Variants in MNAT1 observed in about 807,000 individuals in gnomAD.
The protein encoded by MNAT1 is CDK-activating kinase assembly factor MAT1.
In MNAT1, 43 loss-of-function variants were observed where a neutral mutation model predicts 42.0. The observed-to-expected ratio is 1.02, with a 90% CI of 0.80 to 1.32. The LOEUF (loss-of-function observed/expected upper bound fraction) is 1.32. MNAT1 is among the 40% of genes most tolerant of loss of function. The pLI is 0.00. For missense variants in MNAT1, 306 were observed against 350.4 expected (o/e 0.87, Z 1.01); for synonymous variants, 118 against 120.0 (o/e 0.98, Z 0.11).
intron 3 of MNAT1, 74 bp downstream of exon 3, chr14:60,798,234 C>T (rs976353470): frequency 5.2e-6 from 4 of 770,162 alleles, no homozygotes; most frequent in Non-Finnish European, 8.6e-6. Flanking sequence ...AGGAGAACAT[C>T]TCACATAAAA....
chr14:60,870,344 G>T (rs2034301678), intron 6 of MNAT1, among the ~76,000 whole-genome samples: 2 of 152,124 alleles, frequency 1.3e-5, no homozygotes, highest in Non-Finnish European at 2.9e-5. Context: ...CCAGGTATGG[G>T]TATTACCTAA....
At chr14:60,890,099 G>A (rs2034798362) in intron 7 of MNAT1, among the ~76,000 whole-genome samples, 1 of 152,116 alleles carries the variant, frequency 6.6e-6, no homozygotes, top group South Asian at 2.1e-4. Context: ...TCCCATTACT[G>A]GGTATATACC....
intron 7 of MNAT1, among the ~76,000 whole-genome samples, chr14:60,913,498 G>A (rs1365482500): frequency 2.0e-5 from 3 of 152,104 alleles, no homozygotes; most frequent in Non-Finnish European, 2.9e-5. Flanking sequence ...CGTCCAGATG[G>A]GTTTTTGGTG....
intron 1 of MNAT1, 123 bp downstream of exon 1, chr14:60,735,074 A>G (rs1594707430): frequency 1.1e-6 from 1 of 928,826 alleles, no homozygotes; most frequent in East Asian, 2.5e-5. Context: ...TGGGGAGGAA[A>G]ATGGGAAAAG....
chr14:60,886,116 A>G (rs571876448), intron 7 of MNAT1, among the ~76,000 whole-genome samples: 4 of 151,962 alleles, frequency 2.6e-5, no homozygotes, highest in Non-Finnish European at 4.4e-5. Context: ...TCCAATGTGT[A>G]TATGTTTGTT....
chr14:60,871,401 C>T (rs1029688668), intron 6 of MNAT1, among the ~76,000 whole-genome samples: 1 of 152,204 alleles, frequency 6.6e-6, no homozygotes, highest in Non-Finnish European at 1.5e-5. Flanking sequence ...TGTATACTCT[C>T]ATCTGCAGTG....
chr14:60,940,942 T>C (rs1464147345), intron 7 of MNAT1, among the ~76,000 whole-genome samples: 4 of 152,230 alleles, frequency 2.6e-5, no homozygotes, highest in Non-Finnish European at 5.9e-5. Flanking sequence ...ATAGTTTCTA[T>C]TGAAATATTT....
chr14:60,939,218 G>A (rs186109228), intron 7 of MNAT1, among the ~76,000 whole-genome samples: 3 of 152,214 alleles, frequency 2.0e-5, no homozygotes, highest in Non-Finnish European at 4.4e-5. Context: ...AGGGTTTTTT[G>A]TGTGTCTATC....
rs1335168971 is a variant in MNAT1 at position 60,947,891 on chromosome 14, C to G, written c.810-20338C>G. Reference sequence around the variant, plus strand: ...GAAACTTCCTACCTCAGCAAATCTTCCAGGCTCCAGACCTGCGATGACAGG... The same window carrying G: ...GAAACTTCCTACCTCAGCAAATCTTGCAGGCTCCAGACCTGCGATGACAGG... On this transcript the variant is annotated intron_variant, in intron 7 of 7. Transcript: ENST00000261245. 1.3e-5 allele frequency among the ~76,000 whole-genome samples: 2 copies of G among 152,252 alleles called. 1 individual carries two copies. The highest frequency in any genetic ancestry group is 3.9e-4 in the East Asian group (2 of 5,176).
chr14:60,938,414 T>G (rs2036058636), intron 7 of MNAT1, among the ~76,000 whole-genome samples: 1 of 152,296 alleles, frequency 6.6e-6, no homozygotes. Flanking sequence ...AATAACTAAT[T>G]TATTGAGAGT....
chr14:60,796,518 A>ATTTTTTTTTTTTTTTT, intron 2 of MNAT1, 149 bp downstream of exon 2: 1 of 697,892 alleles, frequency 1.4e-6, no homozygotes, highest in Non-Finnish European at 2.3e-6. Flanking sequence ...GAGTAATATT[A>ATTTTTTTTTTTTTTTT]TTTATCTTTG....
intron 7 of MNAT1, among the ~76,000 whole-genome samples, chr14:60,943,737 T>C (rs747033532): frequency 3.3e-5 from 5 of 152,190 alleles, no homozygotes; most frequent in Non-Finnish European, 7.3e-5. Context: ...ATTTAAAATA[T>C]ATACATCTTT....
chr14:60,962,139 CATA>C (rs1308118549), intron 7 of MNAT1, among the ~76,000 whole-genome samples: 2 of 152,012 alleles, frequency 1.3e-5, no homozygotes, highest in Non-Finnish European at 2.9e-5. Context: ...AAATGAGTAT[CATA>C]ATGTTTTAAG....
At chr14:60,846,764 A>G (rs903104989) in intron 6 of MNAT1, among the ~76,000 whole-genome samples, 19 of 152,160 alleles carry the variant, frequency 1.2e-4, no homozygotes, top group Admixed American at 6.5e-4. Flanking sequence ...GTTATGGCCA[A>G]ATATATTTTT....
intron 7 of MNAT1, among the ~76,000 whole-genome samples, chr14:60,918,717 A>T (rs1352961475): frequency 7.0e-6 from 1 of 142,948 alleles, no homozygotes; most frequent in East Asian, 2.1e-4. Context: ...TATCTTGTTT[A>T]ATGACTATCC....
chr14:60,819,622 T>G (rs1175382809), intron 6 of MNAT1, among the ~76,000 whole-genome samples: 1 of 152,122 alleles, frequency 6.6e-6, no homozygotes, highest in Non-Finnish European at 1.5e-5. Flanking sequence ...CATACAGGTA[T>G]CAAAAGTACC....
At chr14:60,931,441 T>C (rs920433461) in intron 7 of MNAT1, among the ~76,000 whole-genome samples, 1 of 152,182 alleles carries the variant, frequency 6.6e-6, no homozygotes, top group African/African-American at 2.4e-5. Context: ...GCATTTATTC[T>C]GCTGCCAGAG....
chr14:60,917,619 TTG>T (rs1219435097), intron 7 of MNAT1, among the ~76,000 whole-genome samples: 77 of 151,434 alleles, frequency 5.1e-4, no homozygotes, highest in East Asian at 4.5e-3. Flanking sequence ...TGTTTTTTTT[TTG>T]TTTCTTTTTT....
chr14:60,872,461 C>G (rs923660198), intron 6 of MNAT1, among the ~76,000 whole-genome samples: 6 of 152,094 alleles, frequency 3.9e-5, no homozygotes, highest in African/African-American at 1.4e-4. Flanking sequence ...TCACATTTTG[C>G]TTCCCACCTC....
Sources: gnomAD v4.1 joint callset for allele counts (sites outside exome capture counted in the v4.1 genomes callset) on GRCh38, gnomAD v4.1.1 for gene constraint, MANE v1.5 for transcripts, NCBI Gene and HGNC (gene_info 2026-07-23, HGNC 2026-07-21) for gene names.